KCNS1: variants seen among roughly 807,000 people sequenced by gnomAD.
The protein encoded by KCNS1 is delayed-rectifier potassium channel regulatory subunit KCNS1.
KCNS1 carries 26 observed loss-of-function variants against 33.1 expected under a neutral mutation model. That is an observed-to-expected ratio of 0.79 (90% confidence interval 0.58 to 1.09). The LOEUF (loss-of-function observed/expected upper bound fraction) is 1.09, where lower values mean the gene tolerates loss of function less well. KCNS1 is among the 50% of genes least tolerant of loss of function. KCNS1 has a pLI of 0.00. For synonymous variants in KCNS1, 299 were observed against 338.8 expected, an observed-to-expected ratio of 0.88 and a Z score of 1.29; for missense variants, 702 against 752.4, an observed-to-expected ratio of 0.93 and a Z score of 0.78.
In KCNS1 at chr20:45,098,281, G is replaced by T. The variant is rs371977105; in HGVS notation, c.491C>A (p.Pro164Gln). ...ARYLERRLTQ[P>Q]HAWDEDSDTP... ...GTCGCTGTCCTCGTCCCAGGCGTGC[G>T]GCTGGGTCAGCCGCCTCTCCAGGTA... Residue 164 changes from proline (P) to glutamine (Q), a missense_variant, in exon 3 of 4, where the codon CCG becomes CAG. Around this residue, in one of 3 missense-constraint regions of KCNS1, gnomAD observed 374 missense variants for 352.3 expected, o/e 1.06. Transcript: ENST00000537075. This position sits in a 1 kb window ranked among gnomAD's most constrained non-coding sequence, Gnocchi z 5.2. 3.1e-5 allele frequency: 49 copies of T among 1,583,758 alleles called. No individual in the cohort carries two copies. The African/African-American group carries it at 6.5e-4, about 21-fold the overall frequency.
rs555562185 is a variant in KCNS1, at chr20:45,094,036, T to C, written c.*834A>G. On this transcript the variant is annotated 3_prime_UTR_variant, in exon 4 of 4. Coordinates refer to ENST00000537075, the MANE Select transcript of KCNS1 (RefSeq NM_001322799.2). ...ACAGCAGGTCTTGGCGCAGCTAGGT[T>C]GTCTAGATCTCAGGCCAGGGGCCCT... The C allele has an allele frequency of 3.3e-5, 5 of 152,414 alleles. 1 individual carries two copies. In the South Asian group the frequency reaches 1.0e-3, roughly 32 times the overall value. The allele number at this position is 152,414 out of a possible 1,614,324, so 9.4% of individuals were successfully genotyped here.
intron 3 of KCNS1, 42 bp downstream of exon 3, chr20:45,097,620 C>A: frequency 6.5e-7 from 1 of 1,548,908 alleles, no homozygotes; most frequent in Non-Finnish European, 8.7e-7. Flanking sequence ...CGGATGGCTA[C>A]ACCCGCCCAC....
Position 45,092,208 on chromosome 20 carries a change from C to T in KCNS1, c.*2662G>A, listed in dbSNP as rs931927277. On this transcript the variant is annotated 3_prime_UTR_variant, in exon 4 of 4. Coordinates refer to ENST00000537075, the MANE Select transcript of KCNS1 (RefSeq NM_001322799.2). ...TTTGTGCCAAATCCAGGACTGGAGC[C>T]TGAGAATGTGGATTCCAAGTCATTC... 6.6e-6 allele frequency: 1 copy of T among 152,126 alleles called. No individual in the cohort carries two copies. The highest frequency in any genetic ancestry group is 1.5e-5 in the Non-Finnish European group (1 of 68,044). The allele number at this position is 152,126 out of a possible 1,614,324, so 9.4% of individuals were successfully genotyped here.
intron 1 of KCNS1, 44 bp from the exon 2 acceptor site, chr20:45,099,283 T>G: frequency 9.5e-7 from 1 of 1,057,526 alleles, no homozygotes; most frequent in Non-Finnish European, 1.4e-6. Context: ...TGCCATCGAT[T>G]TACTGAATCG....
intron 3 of KCNS1, among the ~76,000 whole-genome samples, chr20:45,096,571 A>G (rs1293991569): frequency 6.6e-6 from 1 of 152,084 alleles, no homozygotes; most frequent in African/African-American, 2.4e-5. Flanking sequence ...TTCTTTTAGC[A>G]TTGTCTGGGG....
chr20:45,097,751 C>T lies in KCNS1; in HGVS notation c.1021G>A (p.Val341Met). The T allele has an allele frequency of 6.2e-7, 1 of 1,613,148 alleles. No individual in the cohort carries two copies. The highest frequency in any genetic ancestry group is 8.5e-7 in the Non-Finnish European group (1 of 1,179,966). Residue 341 changes from valine to methionine, a missense_variant, in exon 3 of 4, where the codon GTG (valine) becomes ATG (methionine). Val to Met is a conservative substitution (Grantham distance 21). This residue lies in a region of KCNS1 where 253 missense variants were observed against 327.4 expected (regional missense o/e 0.77). Transcript: ENST00000537075. ...ATGCGCATGAGGCGGAACACCTGCA[C>T]CACCTTGCCCAGGTGGCCGAACTCC... The part of the protein sequence containing the change: ...GKEFGHLGKV[V>M]QVFRLMRIFR...
intron 3 of KCNS1, among the ~76,000 whole-genome samples, chr20:45,096,932 G>A (rs1981202766): frequency 6.6e-6 from 1 of 152,176 alleles, no homozygotes; most frequent in South Asian, 2.1e-4. Context: ...CCAGGCCTCG[G>A]CACACGCCGT....
At chr20:45,095,427 T>A in intron 3 of KCNS1, 87 bp from the exon 4 acceptor site, 1 of 1,242,790 alleles carries the variant, frequency 8.0e-7, no homozygotes, top group East Asian at 2.5e-5. Flanking sequence ...GCCCAGAGAG[T>A]ATAAAGGACA....
At position 45,099,142 on chromosome 20, in the gene KCNS1, T is replaced by C; in HGVS notation, c.76+19A>G. 1 of 1,550,662 alleles carries C rather than the reference T, an allele frequency of 6.4e-7. No individual in the cohort carries two copies. The highest frequency in any genetic ancestry group is 8.7e-7 in the Non-Finnish European group (1 of 1,146,520). ...CTCTGAACCTGTTTCTTCTGCAAAA[T>C]GAGGATAGTAACACTTACCTCCTAG... On this transcript the variant is annotated intron_variant, in intron 2 of 3. Transcript: ENST00000537075.
rs1981001656 is a variant in KCNS1, at chr20:45,091,561, G to T, written c.*3309C>A. Among the ~76,000 whole-genome samples the T allele has an allele frequency of 6.6e-6, 1 of 152,148 alleles. No individual in the cohort carries two copies. Among genetic ancestry groups the T allele is most frequent in the African/African-American group, 2.4e-5 (1 of 41,420 alleles). ...ACCCTTCTGTAGTGGGCCAGATGGT[G>T]GCCCCAAACACCTGTCCATATTTTA... On this transcript the variant is annotated 3_prime_UTR_variant, in exon 4 of 4. Transcript: ENST00000537075.
Position 45,098,208 on chromosome 20 carries a change from C to A in KCNS1, c.564G>T (p.Gln188His). 6.2e-7 allele frequency: 1 copy of A among 1,605,156 alleles called. No individual in the cohort carries two copies. Among genetic ancestry groups the A allele is most frequent in the Non-Finnish European group, 8.5e-7 (1 of 1,176,610 alleles). ...DPCPDEISDV[Q>H]RELARYGAAR... ...CCGCGCCATAGCGCGCCAGTTCTCG[C>A]TGCACGTCGGAGATCTCGTCGGGGC... The change falls in exon 3 of 4, where the codon CAG becomes CAT. Residue 188 changes from glutamine (Q) to histidine (H), a missense_variant. Around this residue, in one of 3 missense-constraint regions of KCNS1, gnomAD observed 374 missense variants for 352.3 expected, o/e 1.06. Transcript: ENST00000537075. The surrounding 1 kb of genome is among the most constrained non-coding windows in gnomAD (Gnocchi z 5.2).
chr20:45,100,685 T>C (rs961893036), intron 1 of KCNS1, among the ~76,000 whole-genome samples: 1 of 152,188 alleles, frequency 6.6e-6, no homozygotes, highest in South Asian at 2.1e-4. Context: ...CTCACTCGGT[T>C]TAATCCCTAC....
In KCNS1 at chr20:45,098,178, G is replaced by A. The variant is rs2145514508; in HGVS notation, c.594C>T (p.Arg198=). ...QRELARYGAA[R]CGRLRRRLWL... is the part of the protein sequence containing the mutation. ...AGAGGCGGCGGCGCAGGCGGCCACA[G>A]CGCGCCGCGCCATAGCGCGCCAGTT... Residue 198 remains arginine, a synonymous_variant, in exon 3 of 4, where the codon CGC becomes CGT. Coordinates refer to ENST00000537075, the MANE Select transcript of KCNS1 (RefSeq NM_001322799.2). This position sits in a 1 kb window ranked among gnomAD's most constrained non-coding sequence, Gnocchi z 5.2. 6.2e-7 allele frequency: 1 copy of A among 1,602,870 alleles called. No individual in the cohort carries two copies. Among genetic ancestry groups the A allele is most frequent in the South Asian group, 1.1e-5 (1 of 89,618 alleles).
chr20:45,098,076 G>C lies in KCNS1; in HGVS notation c.696C>G (p.Ala232=). 1 of 1,560,058 alleles carries C rather than the reference G, an allele frequency of 6.4e-7. No homozygotes were observed. The highest frequency in any genetic ancestry group is 8.7e-7 in the Non-Finnish European group (1 of 1,153,124). ...TGTGGATGCACATGGCGGCGATGGA[G>C]GCGAGCACCACGCTGATGGAGACGC... is the stretch of plus-strand genomic sequence containing the variant. The part of the protein sequence containing the change: ...FSCVSISVVL[A]SIAAMCIHSL... The change falls in exon 3 of 4, where the codon GCC becomes GCG. Residue 232 remains alanine, a synonymous_variant. Transcript: ENST00000537075. The surrounding 1 kb of genome is among the most constrained non-coding windows in gnomAD (Gnocchi z 5.2).
In KCNS1 at chr20:45,097,688, G is replaced by A. The variant is rs759308275; in HGVS notation, c.1084C>T (p.Leu362=). 8 of 1,608,070 alleles carry A rather than the reference G, an allele frequency of 5.0e-6. No individual in the cohort carries two copies. The highest frequency in any genetic ancestry group is 6.8e-6 in the Non-Finnish European group (8 of 1,179,762). The change falls in exon 3 of 4, where the codon CTG becomes TTG. Residue 362 remains leucine (L), a synonymous_variant. Coordinates refer to ENST00000537075, the MANE Select transcript of KCNS1 (RefSeq NM_001322799.2). ...VLKLARHSTG[L]RSLGATLKHS... is the part of the protein sequence containing the mutation. ...TTGAGCGTGGCTCCCAGCGAGCGCA[G>A]CCCGGTGGAATGGCGCGCCAACTTG...
rs1256733685 is a variant in KCNS1 at position 45,098,205 on chromosome 20, T to C, written c.567A>G (p.Arg189=). ...GCGCCGCGCCATAGCGCGCCAGTTCTCGCTGCACGTCGGAGATCTCGTCGG... is the reference window on the plus strand; with the variant it reads ...GCGCCGCGCCATAGCGCGCCAGTTCCCGCTGCACGTCGGAGATCTCGTCGG... The part of the protein sequence containing the change: ...PCPDEISDVQ[R]ELARYGAARC... Residue 189 remains arginine (R), a synonymous_variant, in exon 3 of 4, where the codon CGA becomes CGG. Coordinates refer to ENST00000537075, the MANE Select transcript of KCNS1 (RefSeq NM_001322799.2). This position sits in a 1 kb window ranked among gnomAD's most constrained non-coding sequence, Gnocchi z 5.2. The C allele has an allele frequency of 6.2e-7, 1 of 1,604,934 alleles. No homozygotes were observed. The highest frequency in any genetic ancestry group is 2.3e-5 in the East Asian group (1 of 44,440).
In KCNS1 at chr20:45,094,926, A is replaced by G. The variant is rs1274789184; in HGVS notation, c.1525T>C (p.Ser509Pro). The change falls in exon 4 of 4, where the codon TCT becomes CCT. Residue 509 changes from serine to proline, a missense_variant. Physicochemically the swap from Ser to Pro is moderately conservative, Grantham distance 74. Around this residue, in one of 3 missense-constraint regions of KCNS1, gnomAD observed 75 missense variants for 72.7 expected, o/e 1.03. Coordinates refer to ENST00000537075, the MANE Select transcript of KCNS1 (RefSeq NM_001322799.2). The part of the protein sequence containing the change: ...TSRETSQEGQ[S>P]ADLESQAPSE... ...GGGGCCTGGCTCTCTAGATCTGCAG[A>G]CTGTCCCTCCTGAGAGGTTTCTCGG... is the stretch of plus-strand genomic sequence containing the variant. 1 of 1,613,414 alleles carries G rather than the reference A, an allele frequency of 6.2e-7. No homozygotes were observed. Among genetic ancestry groups the G allele is most frequent in the East Asian group, 2.2e-5 (1 of 44,834 alleles).
intron 1 of KCNS1, 141 bp from the exon 2 acceptor site, chr20:45,099,380 C>T (rs1194430730): frequency 1.6e-6 from 1 of 640,732 alleles, no homozygotes; most frequent in Non-Finnish European, 2.8e-6. Flanking sequence ...AGAGCTCCTG[C>T]TTTAGATTAT....
rs796963148 is a variant in KCNS1, at chr20:45,091,486, C to T, written c.*3384G>A. 6.6e-6 allele frequency among the ~76,000 whole-genome samples: 1 copy of T among 152,194 alleles called. No homozygotes were observed. The highest frequency in any genetic ancestry group is 1.5e-5 in the Non-Finnish European group (1 of 68,038). ...AGAGCTCCCCTCATTCCTGTATTTC[C>T]TGAGGCCTCGTCAGTCAGCTCTTCC... On this transcript the variant is annotated 3_prime_UTR_variant, in exon 4 of 4. Coordinates refer to ENST00000537075, the MANE Select transcript of KCNS1 (RefSeq NM_001322799.2).
Sources: allele counts gnomAD v4.1 joint callset (sites outside exome capture counted in the v4.1 genomes callset), GRCh38; gene constraint gnomAD v4.1.1; regional missense constraint gnomAD v4.1.1; non-coding constraint Gnocchi (gnomAD v3.1); transcripts MANE v1.5; gene names NCBI Gene and HGNC (gene_info 2026-07-23, HGNC 2026-07-21).